PRKAG1: variants seen among roughly 807,000 people sequenced by gnomAD.
PRKAG1 encodes the protein 5'-AMP-activated protein kinase subunit gamma-1.
PRKAG1 carries 27 observed loss-of-function variants against 48.2 expected under a neutral mutation model. The observed-to-expected ratio is 0.56, with a 90% confidence interval of 0.41 to 0.77. The LOEUF (loss-of-function observed/expected upper bound fraction) is 0.77, where lower values mean the gene tolerates loss of function less well. Among genes scored for constraint, PRKAG1 ranks in the 30% least tolerant of loss-of-function variants. PRKAG1 has a pLI of 0.00. For synonymous variants in PRKAG1, 130 were observed against 147.7 expected, an observed-to-expected ratio of 0.88 and a Z score of 0.87; for missense variants, 287 against 398.3, an observed-to-expected ratio of 0.72 and a Z score of 2.38.
At chr12:49,014,687 A>C (rs1252972821) in intron 1 of PRKAG1, among the ~76,000 whole-genome samples, 1 of 152,210 alleles carries the variant, frequency 6.6e-6, no homozygotes, top group Non-Finnish European at 1.5e-5. Context: ...TCCACTCAGC[A>C]CCCTTGTGAG....
intron 8 of PRKAG1, 119 bp from the exon 9 acceptor site, chr12:49,004,041 G>T: frequency 7.3e-7 from 1 of 1,376,504 alleles, no homozygotes; most frequent in Non-Finnish European, 9.7e-7. Context: ...TATAATCCCA[G>T]CACTTTGGGA....
In PRKAG1 at chr12:49,004,651, A is replaced by G. The variant is rs1941443531; in HGVS notation, c.411-18T>C. On this transcript the variant is annotated intron_variant, in intron 7 of 11. Transcript: ENST00000548065. ...CAAACAAGCTGTGAGAGGGTGGGAG[A>G]TAATAAGTTCCACAGTGCTGGGGCT... The G allele has an allele frequency of 6.2e-7, 1 of 1,613,844 alleles. No individual in the cohort carries two copies. Among genetic ancestry groups the G allele is most frequent in the Non-Finnish European group, 8.5e-7 (1 of 1,179,956 alleles).
chr12:49,004,164 C>T (rs533894350), intron 8 of PRKAG1: 11 of 542,918 alleles, frequency 2.0e-5, no homozygotes, highest in African/African-American at 1.5e-4. Flanking sequence ...TGGTGGTACA[C>T]ACGTGTAGTC....
At chr12:49,011,897 G>A (rs1487596293) in intron 2 of PRKAG1, among the ~76,000 whole-genome samples, 3 of 151,428 alleles carry the variant, frequency 2.0e-5, no homozygotes, top group Non-Finnish European at 4.4e-5. Context: ...TTGTGCTGTC[G>A]CCCAGGCTGG....
rs1215222184 is a variant in PRKAG1 at position 49,018,524 on chromosome 12, G to C, written c.9+208C>G. On this transcript the variant is annotated intron_variant, in intron 1 of 11. Coordinates refer to ENST00000548065, the MANE Select transcript of PRKAG1 (RefSeq NM_002733.5). ...TGCTTGGGCTAAGGGTACCGCGTAC[G>C]GAAAGGCGGCGGGGACGCGGCCCAG... The C allele has an allele frequency of 3.5e-6, 5 of 1,432,074 alleles. No individual in the cohort carries two copies. The African/African-American group carries it at 5.8e-5, about 17-fold the overall frequency. 88.7% of individuals were successfully genotyped at this position (1,432,074 alleles called of 1,614,324 possible).
At chr12:49,004,812 ACTGTGTGTGT>A in intron 7 of PRKAG1, 142 bp downstream of exon 7, 1 of 962,204 alleles carries the variant, frequency 1.0e-6, no homozygotes, top group Non-Finnish European at 1.5e-6. Flanking sequence ...AGAGAGAGAG[ACTGTGTGTGT>A]GTGTGTGTGT....
intron 1 of PRKAG1, among the ~76,000 whole-genome samples, chr12:49,015,064 G>A (rs1434058567): frequency 3.9e-5 from 6 of 152,188 alleles, no homozygotes; most frequent in Admixed American, 6.5e-5. Context: ...AATGGGCTAG[G>A]GGAGAGTGCA....
chr12:49,002,737 T>C lies in PRKAG1; in HGVS notation c.*162A>G. ...TAAGGGTAGCTATAAATCCATTCTC[T>C]TTCCTCCCCCATACCTTCCCTAGCT... On this transcript the variant is annotated 3_prime_UTR_variant, in exon 12 of 12. Coordinates refer to ENST00000548065, the MANE Select transcript of PRKAG1 (RefSeq NM_002733.5). 1 of 754,374 alleles carries C rather than the reference T, an allele frequency of 1.3e-6. No individual in the cohort carries two copies. Among genetic ancestry groups the C allele is most frequent in the Non-Finnish European group, 2.3e-6 (1 of 433,964 alleles). The allele number at this position is 754,374 out of a possible 1,614,324, so 46.7% of individuals were successfully genotyped here.
Position 49,002,556 on chromosome 12 carries a change from G to A in PRKAG1, c.*343C>T. On this transcript the variant is annotated 3_prime_UTR_variant, in exon 12 of 12. Coordinates refer to ENST00000548065, the MANE Select transcript of PRKAG1 (RefSeq NM_002733.5). ...CTTAGGGTTGAATCAGGGCCAAGAT[G>A]GAGGCAGAGGCAAGTGAGGTCTGGG... is the stretch of plus-strand genomic sequence containing the variant. 1 of 404,246 alleles carries A rather than the reference G, an allele frequency of 2.5e-6. No individual in the cohort carries two copies. The highest frequency in any genetic ancestry group is 2.0e-5 in the African/African-American group (1 of 48,852). The allele number at this position is 404,246 out of a possible 1,614,324, so 25.0% of individuals were successfully genotyped here. A position where few individuals can be genotyped will look rare whatever the true frequency, so the allele number is the denominator to read the frequency against.
In PRKAG1 at chr12:49,018,768, C is replaced by T. The variant is rs374351767; in HGVS notation, c.-28G>A. ...CAAGAGGCGCCCGGCTTGGTTTCCT[C>T]GCTTTAGGAAACTCTCTTGGGGCAG... On this transcript the variant is annotated 5_prime_UTR_variant, in exon 1 of 12. Transcript: ENST00000548065. 8.1e-6 allele frequency: 13 copies of T among 1,612,226 alleles called. No homozygotes were observed. The highest frequency in any genetic ancestry group is 2.1e-4 in the Middle Eastern group (1 of 4,718).
chr12:49,006,432 A>G (rs1327777816), intron 2 of PRKAG1, among the ~76,000 whole-genome samples: 1 of 152,112 alleles, frequency 6.6e-6, no homozygotes, highest in Admixed American at 6.6e-5. Context: ...AAGTTGGGCC[A>G]TTTCTCATTA....
intron 2 of PRKAG1, among the ~76,000 whole-genome samples, chr12:49,012,038 G>C (rs1022397892): frequency 1.3e-5 from 2 of 152,110 alleles, no homozygotes; most frequent in African/African-American, 4.8e-5. Context: ...TTTATTTTTA[G>C]TAGAGACAAG....
At chr12:49,017,099 A>G (rs900505995) in intron 1 of PRKAG1, 4 of 454,596 alleles carry the variant, frequency 8.8e-6, no homozygotes, top group African/African-American at 8.0e-5. Context: ...TTTCATATTG[A>G]TGACAGCATT....
At chr12:49,004,198 CG>C in intron 8 of PRKAG1, 3 of 516,132 alleles carry the variant, frequency 5.8e-6, no homozygotes, top group Non-Finnish European at 6.7e-6. Context: ...GGGTTGAGGT[CG>C]GGGGTCACCT....
chr12:49,002,863 C>T lies in PRKAG1; in HGVS notation c.*36G>A. 5 of 1,568,464 alleles carry T rather than the reference C, an allele frequency of 3.2e-6. No homozygotes were observed. Among genetic ancestry groups the T allele is most frequent in the Non-Finnish European group, 4.4e-6 (5 of 1,140,340 alleles). On this transcript the variant is annotated 3_prime_UTR_variant, in exon 12 of 12. Coordinates refer to ENST00000548065, the MANE Select transcript of PRKAG1 (RefSeq NM_002733.5). ...AGCTTCCAGCAGGCAGTGAGTTGGG[C>T]ATATCCCCTGGTGCTGCATGACCCC... is the stretch of plus-strand genomic sequence containing the variant.
intron 2 of PRKAG1, among the ~76,000 whole-genome samples, chr12:49,007,197 G>A (rs1005046601): frequency 1.2e-4 from 18 of 151,514 alleles, no homozygotes; most frequent in Non-Finnish European, 4.4e-5. Context: ...TGAGGCAGGA[G>A]AATTGCTTGA....
intron 2 of PRKAG1, among the ~76,000 whole-genome samples, chr12:49,011,492 G>A (rs1408462264): frequency 2.0e-5 from 3 of 150,470 alleles, no homozygotes; most frequent in Admixed American, 1.3e-4. Context: ...GTGTTACACT[G>A]TGCCCAGACT....
chr12:49,005,622 T>C lies in PRKAG1; in HGVS notation c.169-79A>G. 2 of 1,613,206 alleles carry C rather than the reference T, an allele frequency of 1.2e-6. No homozygotes were observed. The highest frequency in any genetic ancestry group is 1.7e-6 in the Non-Finnish European group (2 of 1,179,614). On this transcript the variant is annotated intron_variant, in intron 3 of 11. Transcript: ENST00000548065. The surrounding 1 kb of genome is among the most constrained non-coding windows in gnomAD (Gnocchi z 4.1). Reference sequence around the variant, plus strand: ...AAAAAAAGAACAGTGTTTGGGCATGTTGGGTAAAACATGAGACTAACTTCA... The same window carrying C: ...AAAAAAAGAACAGTGTTTGGGCATGCTGGGTAAAACATGAGACTAACTTCA...
Position 49,016,476 on chromosome 12 carries a change from C to T in PRKAG1, c.9+2256G>A, listed in dbSNP as rs549773334. ...AATCCTATTATTCTCGCTGTGGTTC[C>T]CATCTTGTTTTTTTGTTTTGCACAG... On this transcript the variant is annotated intron_variant, in intron 1 of 11. Coordinates refer to ENST00000548065, the MANE Select transcript of PRKAG1 (RefSeq NM_002733.5). 2.0e-5 allele frequency: 3 copies of T among 152,260 alleles called. No homozygotes were observed. In the East Asian group the frequency reaches 5.8e-4, roughly 29 times the overall value. 9.4% of individuals were successfully genotyped at this position (152,260 alleles called of 1,614,324 possible). A position where few individuals can be genotyped will look rare whatever the true frequency, so the allele number is the denominator to read the frequency against.
Sources: allele counts gnomAD v4.1 joint callset (sites outside exome capture counted in the v4.1 genomes callset), GRCh38; gene constraint gnomAD v4.1.1; non-coding constraint Gnocchi (gnomAD v3.1); transcripts MANE v1.5; gene names NCBI Gene and HGNC (gene_info 2026-07-23, HGNC 2026-07-21).